The following WNK1 variants were observed in gnomAD, a reference collection of about 807,000 sequenced individuals.
WNK1 encodes the protein serine/threonine-protein kinase WNK1.
Under a neutral mutation model 222.8 loss-of-function variants are expected in WNK1, and 38 were observed. That is an observed-to-expected ratio of 0.17 (90% CI 0.13 to 0.22). The LOEUF (loss-of-function observed/expected upper bound fraction) is 0.22. Ranked by LOEUF, WNK1 falls within the 10% of genes least tolerant of loss-of-function variation. The pLI is 1.00. For synonymous variants in WNK1, 1,090 were observed against 1,092.9 expected (o/e 1.00, Z 0.05); for missense variants, 2,348 against 2,918.4 (o/e 0.80, Z 4.50).
At chr12:821,732 GTA>G in intron 2 of WNK1, among the ~76,000 whole-genome samples, 1 of 152,150 alleles carries the variant, frequency 6.6e-6, no homozygotes. Context: ...ATTGTTTGAT[GTA>G]TATAATTGTT....
At chr12:860,454 C>T (rs1053188305) in intron 6 of WNK1, among the ~76,000 whole-genome samples, 1 of 152,164 alleles carries the variant, frequency 6.6e-6, no homozygotes, top group African/African-American at 2.4e-5. Flanking sequence ...TTATCAGAAC[C>T]ATTCAAAAGT....
At chr12:786,517 G>A (rs1274554056) in intron 1 of WNK1, among the ~76,000 whole-genome samples, 1 of 149,800 alleles carries the variant, frequency 6.7e-6, no homozygotes, top group Non-Finnish European at 1.5e-5. Context: ...GCCCAGGCTG[G>A]AGTGCAGTGG....
intron 1 of WNK1, among the ~76,000 whole-genome samples, chr12:767,586 C>T (rs1941929908): frequency 1.3e-5 from 2 of 152,020 alleles, no homozygotes; most frequent in African/African-American, 4.8e-5. Context: ...CCTACACATG[C>T]AAATCTCCTT....
chr12:772,529 G>A (rs780512097), intron 1 of WNK1, among the ~76,000 whole-genome samples: 28 of 151,806 alleles, frequency 1.8e-4, no homozygotes, highest in South Asian at 6.2e-4. Flanking sequence ...ATGCACACAC[G>A]GTTATGTTGC....
chr12:810,080 T>C (rs1946765071), intron 1 of WNK1, among the ~76,000 whole-genome samples: 1 of 152,066 alleles, frequency 6.6e-6, no homozygotes, highest in South Asian at 2.1e-4. Flanking sequence ...CGAAACCCTG[T>C]CTCTACTAAA....
chr12:821,840 A>G (rs1292042342), intron 2 of WNK1, among the ~76,000 whole-genome samples: 1 of 151,718 alleles, frequency 6.6e-6, no homozygotes, highest in Non-Finnish European at 1.5e-5. Flanking sequence ...TAGTTTTGCT[A>G]CCTCACCCTC....
chr12:815,365 G>C (rs1248814012), intron 2 of WNK1, among the ~76,000 whole-genome samples: 1 of 152,136 alleles, frequency 6.6e-6, no homozygotes, highest in African/African-American at 2.4e-5. Context: ...CCAGATCATT[G>C]GAATACAGTG....
intron 9 of WNK1, among the ~76,000 whole-genome samples, chr12:872,702 G>C (rs1401521301): frequency 6.6e-6 from 1 of 152,094 alleles, no homozygotes; most frequent in Non-Finnish European, 1.5e-5. Context: ...TCCCCATGTG[G>C]GTTTTTTAAT....
intron 10 of WNK1, 61 bp from the exon 11 acceptor site, chr12:879,512 G>GCTTTTTTTTTTTTTTTTTTTTTTTTTT: frequency 4.1e-6 from 3 of 735,662 alleles, no homozygotes; most frequent in Non-Finnish European, 5.5e-6. Context: ...TGGCAGCCTT[G>GCTTTTTTTTTTTTTTTTTTTTTTTTTT]CTTTTTTTTT....
intron 23 of WNK1, among the ~76,000 whole-genome samples, chr12:895,790 A>AC (rs1159714720): frequency 1.3e-5 from 2 of 152,174 alleles, no homozygotes; most frequent in African/African-American, 4.8e-5. Context: ...GTTGACTAAG[A>AC]CATAAATCTG....
intron 1 of WNK1, among the ~76,000 whole-genome samples, chr12:802,522 G>A (rs143620980): frequency 3.6e-3 from 541 of 152,194 alleles, no homozygotes; most frequent in African/African-American, 0.013. Context: ...TATTATGATT[G>A]ATATGGAAAT....
chr12:881,637 T>G, intron 12 of WNK1, 55 bp from the exon 13 acceptor site: 1 of 1,364,352 alleles, frequency 7.3e-7, no homozygotes, highest in Non-Finnish European at 1.1e-6. Context: ...TTATTGGGGA[T>G]AGTGAATGAT....
In WNK1 at chr12:911,340, C is replaced by CACTA. The variant is rs11571494; in HGVS notation, c.*2552_*2555dup. 8,041 of 398,280 alleles carry CACTA rather than the reference C, an allele frequency of 0.02. 940 individuals are homozygous for CACTA. The East Asian group carries it at 0.26, about 13-fold the overall frequency. 24.7% of individuals were successfully genotyped at this position (398,280 alleles called of 1,614,324 possible). A position where few individuals can be genotyped will look rare whatever the true frequency, so the allele number is the denominator to read the frequency against. On this transcript the variant is annotated 3_prime_UTR_variant, in exon 28 of 28. Transcript: ENST00000315939. Reference sequence around the variant, plus strand: ...CAGCAGCCGTTAATTGTACATTTTGCACTAACTCTGGGTGTTGCGCTTCTT... The same window carrying CACTA: ...CAGCAGCCGTTAATTGTACATTTTGCACTAACTAACTCTGGGTGTTGCGCTTCTT...
intron 1 of WNK1, among the ~76,000 whole-genome samples, chr12:766,936 C>T (rs1357977130): frequency 2.6e-5 from 4 of 152,206 alleles, no homozygotes; most frequent in African/African-American, 9.6e-5. Context: ...GCCACCCCAC[C>T]TGGCTAATTT....
At chr12:895,690 C>CTCAAGTGATCCACCTGCT (rs1954678840) in intron 23 of WNK1, among the ~76,000 whole-genome samples, 1 of 152,178 alleles carries the variant, frequency 6.6e-6, no homozygotes, top group Non-Finnish European at 1.5e-5. Flanking sequence ...AACTCCTGAC[C>CTCAAGTGATCCACCTGCT]TCAAGTGATC....
In WNK1 at chr12:911,171, T is replaced by TTTAAA. The variant is rs879113303; in HGVS notation, c.*2383_*2387dup. ...GGAATGAACTAGTGCTACTGAACTG[T>TTTAAA]TTAAATTATTTTTGTGTTAATAGTA... On this transcript the variant is annotated 3_prime_UTR_variant, in exon 28 of 28. Transcript: ENST00000315939. 7.6e-6 allele frequency: 3 copies of TTTAAA among 397,292 alleles called. No individual in the cohort carries two copies. The highest frequency in any genetic ancestry group is 1.3e-5 in the Non-Finnish European group (3 of 225,724). 24.6% of individuals were successfully genotyped at this position (397,292 alleles called of 1,614,324 possible).
chr12:830,157 C>T lies in WNK1; in HGVS notation c.1308C>T (p.Thr436=), dbSNP rs747309501. ...QNAAQIYRRV[T]SGVKPASFDK... ...CTGCACAGATCTACCGTCGCGTGAC[C>T]AGTGTAAGTCTTCCCCTAACTGATT... The change falls in exon 4 of 28, where the codon ACC becomes ACT. Residue 436 remains threonine, a synonymous_variant. Coordinates refer to ENST00000315939, the MANE Select transcript of WNK1 (RefSeq NM_018979.4). 6.8e-6 allele frequency: 11 copies of T among 1,614,074 alleles called. No homozygotes were observed. Among genetic ancestry groups the T allele is most frequent in the Non-Finnish European group, 9.3e-6 (11 of 1,179,988 alleles).
At chr12:840,454 G>C (rs1949542006) in intron 4 of WNK1, among the ~76,000 whole-genome samples, 1 of 151,884 alleles carries the variant, frequency 6.6e-6, no homozygotes, top group Non-Finnish European at 1.5e-5. Context: ...TTTAATGTTT[G>C]GGGAAAATGT....
At chr12:851,325 A>T (rs748215064) in intron 4 of WNK1, 121 of 988,600 alleles carry the variant, frequency 1.2e-4, no homozygotes, top group Non-Finnish European at 1.4e-4. Flanking sequence ...AGAGTTAAGC[A>T]TCCAAGAAAG....
Sources: allele counts gnomAD v4.1 joint callset (sites outside exome capture counted in the v4.1 genomes callset), GRCh38; gene constraint gnomAD v4.1.1; transcripts MANE v1.5; gene names NCBI Gene and HGNC (gene_info 2026-07-23, HGNC 2026-07-21).